Variants in AADAT observed in about 807,000 individuals in gnomAD.
The protein encoded by AADAT is aminoadipate aminotransferase.
In AADAT, 25 loss-of-function variants were observed where a neutral mutation model predicts 56.2. The observed-to-expected ratio is 0.44, with a 90% CI of 0.32 to 0.62. The LOEUF is 0.62. Among genes scored for constraint, AADAT ranks in the 20% least tolerant of loss-of-function variants. AADAT has a pLI of 0.04. For missense variants in AADAT, 387 were observed against 510.5 expected (o/e 0.76, Z 2.33); for synonymous variants, 173 against 164.7 (o/e 1.05, Z -0.39).
At chr4:170,067,874 A>T (rs1731552867) in intron 8 of AADAT, among the ~76,000 whole-genome samples, 1 of 152,234 alleles carries the variant, frequency 6.6e-6, no homozygotes, top group South Asian at 2.1e-4. Context: ...GCGATGGCTC[A>T]TGCCTGTAAT....
chr4:170,093,115 T>TCA (rs1732917536), upstream of AADAT, among the ~76,000 whole-genome samples: 1 of 152,090 alleles, frequency 6.6e-6, no homozygotes, highest in Non-Finnish European at 1.5e-5. Context: ...GAGCAAGGTT[T>TCA]CCTTAGATAC....
Position 170,060,967 on chromosome 4 carries a change from G to A in AADAT, c.1239C>T (p.Ala413=). 1 of 1,517,282 alleles carries A rather than the reference G, an allele frequency of 6.6e-7. No individual in the cohort carries two copies. The highest frequency in any genetic ancestry group is 8.8e-7 in the Non-Finnish European group (1 of 1,132,188). The allele number at this position is 1,517,282 out of a possible 1,614,324, so 94.0% of individuals were successfully genotyped here. The change falls in exon 13 of 13, where the codon GCC becomes GCT. Residue 413 remains alanine, a splice_region_variant and synonymous_variant. Coordinates refer to ENST00000337664, the MANE Select transcript of AADAT (RefSeq NM_016228.4). ...SSASPEQMDV[A]FQVLAQLIKE... is the part of the protein sequence containing the mutation. ...TTATAAGTTGTGCTAATACCTGGAA[G>A]GCCTAAAACAGAAAAAAAAAATTAG...
chr4:170,070,105 C>A lies in AADAT; in HGVS notation c.720+482G>T, dbSNP rs191944485. ...CTGTGATGCCTCCTCTTGTGTCCAT[C>A]GGGGATGCTGCTAACAGAGCACAGC... is the stretch of plus-strand genomic sequence containing the variant. On this transcript the variant is annotated intron_variant, in intron 6 of 12. Transcript: ENST00000337664. Among the ~76,000 whole-genome samples, 274 of 152,118 alleles carry A rather than the reference C, an allele frequency of 1.8e-3. 6 individuals carry two copies. Among genetic ancestry groups the A allele is most frequent in the Admixed American group, 0.016 (241 of 15,266 alleles).
chr4:170,060,910 C>T lies in AADAT; in HGVS notation c.*18G>A. The T allele has an allele frequency of 6.5e-7, 1 of 1,540,688 alleles. No individual in the cohort carries two copies. The highest frequency in any genetic ancestry group is 8.7e-7 in the Non-Finnish European group (1 of 1,143,518). ...GATTATAGGTGTGAGCCACCATGCC[C>T]AACCTAGTTTAATTTCTTCATAAAG... On this transcript the variant is annotated 3_prime_UTR_variant, in exon 13 of 13. Coordinates refer to ENST00000337664, the MANE Select transcript of AADAT (RefSeq NM_016228.4).
Position 170,072,998 on chromosome 4 carries a change from C to A in AADAT, c.654+138G>T. ...TGTCTAAATTTATTAGGACCCTGAG[C>A]ATATATGATTTCCTTTTATTAAAAA... On this transcript the variant is annotated intron_variant, in intron 5 of 12. Coordinates refer to ENST00000337664, the MANE Select transcript of AADAT (RefSeq NM_016228.4). The A allele has an allele frequency of 7.0e-6, 5 of 711,110 alleles. No homozygotes were observed. In the South Asian group the frequency reaches 1.1e-4, roughly 16 times the overall value. 44.1% of individuals were successfully genotyped at this position (711,110 alleles called of 1,614,324 possible).
chr4:170,069,303 G>A lies in AADAT; in HGVS notation c.721-73C>T. Reference sequence around the variant, plus strand: ...TCACTGTACGATTATTTTGAATAGAGAGTAGAACAGGAGATGGATTTGGAT... The same window carrying A: ...TCACTGTACGATTATTTTGAATAGAAAGTAGAACAGGAGATGGATTTGGAT... On this transcript the variant is annotated intron_variant, in intron 6 of 12. Transcript: ENST00000337664. 2.5e-6 allele frequency: 3 copies of A among 1,190,168 alleles called. No homozygotes were observed. The East Asian group carries it at 7.4e-5, about 29-fold the overall frequency. 73.7% of individuals were successfully genotyped at this position (1,190,168 alleles called of 1,614,324 possible).
intron 10 of AADAT, among the ~76,000 whole-genome samples, chr4:170,065,761 A>T (rs1004671761): frequency 1.3e-5 from 2 of 152,216 alleles, no homozygotes; most frequent in Non-Finnish European, 2.9e-5. Flanking sequence ...TTGGCCTCCC[A>T]AAGTGCTGGG....
intron 1 of AADAT, chr4:170,089,281 C>G: frequency 1.9e-6 from 1 of 515,360 alleles, no homozygotes; most frequent in South Asian, 1.6e-5. Flanking sequence ...CCACTGTACA[C>G]CCATCTGCAC....
intron 4 of AADAT, 58 bp downstream of exon 4, chr4:170,078,451 A>G (rs903731427): frequency 5.1e-6 from 5 of 989,680 alleles, no homozygotes; most frequent in African/African-American, 3.3e-5. Flanking sequence ...AACCTTTATT[A>G]TAAGTTTTCT....
chr4:170,090,717 C>CTT (rs1561027943), upstream of AADAT, among the ~76,000 whole-genome samples: 1 of 152,108 alleles, frequency 6.6e-6, no homozygotes, highest in Non-Finnish European at 1.5e-5. Context: ...CCTCCCTCAA[C>CTT]TTTTCTGCAA....
At chr4:170,068,783 G>C in intron 7 of AADAT, 96 bp from the exon 8 acceptor site, 1 of 749,842 alleles carries the variant, frequency 1.3e-6, no homozygotes, top group East Asian at 2.7e-5. Context: ...TGTGACCTGG[G>C]GACAAAAGGA....
chr4:170,060,896 T>C lies in AADAT; in HGVS notation c.*32A>G. Reference sequence around the variant, plus strand: ...TCCCAAAGTGCTGGGATTATAGGTGTGAGCCACCATGCCCAACCTAGTTTA... The same window carrying C: ...TCCCAAAGTGCTGGGATTATAGGTGCGAGCCACCATGCCCAACCTAGTTTA... On this transcript the variant is annotated 3_prime_UTR_variant, in exon 13 of 13. Coordinates refer to ENST00000337664, the MANE Select transcript of AADAT (RefSeq NM_016228.4). 3 of 1,528,184 alleles carry C rather than the reference T, an allele frequency of 2.0e-6. No individual in the cohort carries two copies. The highest frequency in any genetic ancestry group is 2.6e-6 in the Non-Finnish European group (3 of 1,136,472). The allele number at this position is 1,528,184 out of a possible 1,614,324, so 94.7% of individuals were successfully genotyped here.
intron 8 of AADAT, among the ~76,000 whole-genome samples, chr4:170,068,186 C>T (rs1343797521): frequency 4.0e-5 from 6 of 148,262 alleles, no homozygotes; most frequent in East Asian, 2.0e-4. Context: ...TGATAGTGAA[C>T]GTCTGTTGAT....
chr4:170,070,371 T>C (rs1332939807), intron 6 of AADAT: 1 of 403,310 alleles, frequency 2.5e-6, no homozygotes, highest in African/African-American at 2.1e-5. Context: ...AAGTAATTTC[T>C]GGAAAGAGCA....
chr4:170,092,171 C>T (rs944995944), upstream of AADAT, among the ~76,000 whole-genome samples: 31 of 152,358 alleles, frequency 2.0e-4, no homozygotes, highest in African/African-American at 7.0e-4. Flanking sequence ...CAGCGGTAAC[C>T]CGCTTGGATA....
chr4:170,068,944 A>C (rs776443111), intron 7 of AADAT, among the ~76,000 whole-genome samples: 6 of 152,260 alleles, frequency 3.9e-5, no homozygotes, highest in Non-Finnish European at 5.9e-5. Context: ...CTACAACTTT[A>C]GATAAACAGC....
Position 170,073,132 on chromosome 4 carries a change from A to G in AADAT, c.654+4T>C, listed in dbSNP as rs1158438515. Reference sequence around the variant, plus strand: ...AACTACTTTAACCCATTCTTCTACAATACCTCATAGATTTCCTTTTTGCGT... The same window carrying G: ...AACTACTTTAACCCATTCTTCTACAGTACCTCATAGATTTCCTTTTTGCGT... On this transcript the variant is annotated splice_donor_region_variant and intron_variant, in intron 5 of 12. Transcript: ENST00000337664. 1 of 1,613,804 alleles carries G rather than the reference A, an allele frequency of 6.2e-7. No homozygotes were observed. The highest frequency in any genetic ancestry group is 8.5e-7 in the Non-Finnish European group (1 of 1,179,858).
At chr4:170,090,909 C>G (rs1049605594), upstream of AADAT, among the ~76,000 whole-genome samples, 5 of 152,226 alleles carry the variant, frequency 3.3e-5, no homozygotes, top group Non-Finnish European at 7.3e-5. Flanking sequence ...ATTATTGACT[C>G]ACTGCCAAAT....
intron 1 of AADAT, among the ~76,000 whole-genome samples, chr4:170,089,072 C>G (rs1356268114): frequency 6.6e-6 from 1 of 152,202 alleles, no homozygotes; most frequent in East Asian, 1.9e-4. Context: ...AAGACAAAAG[C>G]TAGTCTAAAA....
Sources: allele counts gnomAD v4.1 joint callset (sites outside exome capture counted in the v4.1 genomes callset), GRCh38; gene constraint gnomAD v4.1.1; transcripts MANE v1.5; gene names NCBI Gene and HGNC (gene_info 2026-07-23, HGNC 2026-07-21).